TFDP2: variants seen among roughly 807,000 people sequenced by gnomAD.
The protein encoded by TFDP2 is transcription factor Dp-2.
A neutral mutation model predicts 59.3 loss-of-function variants in TFDP2; 17 were observed. The ratio of observed to expected loss-of-function variants is 0.29; its 90% CI spans 0.20 to 0.43. The LOEUF is 0.43. Ranked by LOEUF, TFDP2 falls within the 20% of genes least tolerant of loss-of-function variation. The pLI, the probability that TFDP2 is intolerant of heterozygous loss-of-function variation, is 1.00. For missense variants in TFDP2, 391 were observed against 528.8 expected (o/e 0.74, Z 2.56); for synonymous variants, 180 against 194.7 (o/e 0.92, Z 0.63).
At chr3:142,059,682 C>T (rs767591078) in intron 3 of TFDP2, among the ~76,000 whole-genome samples, 26 of 152,040 alleles carry the variant, frequency 1.7e-4, no homozygotes, top group African/African-American at 3.6e-4. Context: ...CAGGTTCCAG[C>T]GATTCTCCTG....
intron 2 of TFDP2, among the ~76,000 whole-genome samples, chr3:142,100,121 G>A (rs1210931549): frequency 6.6e-6 from 1 of 152,232 alleles, no homozygotes; most frequent in African/African-American, 2.4e-5. Context: ...ATAAGGATTT[G>A]TTTGTTAACG....
chr3:141,969,090 A>T lies in TFDP2; in HGVS notation c.732+983T>A, dbSNP rs545725533. ...CATATATATGAGATATATATATATA[A>T]CATATATATATATCTCATATATATG... On this transcript the variant is annotated intron_variant, in intron 9 of 12. Transcript: ENST00000489671. Among the ~76,000 whole-genome samples, 22 of 58,376 alleles carry T rather than the reference A, an allele frequency of 3.8e-4. 2 individuals are homozygous for T. The highest frequency in any genetic ancestry group is 1.7e-3 in the African/African-American group (16 of 9,446). The allele number at this position is 58,376 out of a possible 152,430, so 38.3% of individuals were successfully genotyped here. A position where few individuals can be genotyped will look rare whatever the true frequency, so the allele number is the denominator to read the frequency against.
At chr3:142,029,641 C>T (rs569194173) in intron 3 of TFDP2, among the ~76,000 whole-genome samples, 2 of 152,140 alleles carry the variant, frequency 1.3e-5, no homozygotes, top group South Asian at 4.2e-4. Flanking sequence ...TGATGTATGG[C>T]ACAAGTAGAA....
chr3:142,000,292 G>A (rs775868748), intron 4 of TFDP2: 24 of 702,734 alleles, frequency 3.4e-5, no homozygotes, highest in Non-Finnish European at 5.7e-5. Flanking sequence ...GAAAGTGCCG[G>A]CAGATTCAGT....
At chr3:142,080,152 T>G (rs1246073442) in intron 3 of TFDP2, among the ~76,000 whole-genome samples, 1 of 152,028 alleles carries the variant, frequency 6.6e-6, no homozygotes, top group Non-Finnish European at 1.5e-5. Flanking sequence ...TTAGTAGAGA[T>G]GGGGTTTTTG....
At chr3:142,145,365 T>C (rs1448341400) in intron 1 of TFDP2, 1 of 152,162 alleles carries the variant, frequency 6.6e-6, no homozygotes, top group African/African-American at 2.4e-5. Flanking sequence ...CTGCCAACTA[T>C]TGATCACTGA....
At chr3:142,057,688 T>C (rs942754146) in intron 3 of TFDP2, among the ~76,000 whole-genome samples, 18 of 152,198 alleles carry the variant, frequency 1.2e-4, no homozygotes, top group African/African-American at 4.3e-4. Context: ...TCAAACTATA[T>C]TAGGAGAAAA....
chr3:142,073,356 A>G (rs983449308), intron 3 of TFDP2, among the ~76,000 whole-genome samples: 2 of 151,272 alleles, frequency 1.3e-5, no homozygotes, highest in South Asian at 4.2e-4. Flanking sequence ...ACTATCTTCA[A>G]AATTTTTCTG....
intron 2 of TFDP2, 127 bp downstream of exon 2, chr3:142,101,608 A>C (rs1412507453): frequency 3.4e-6 from 2 of 588,012 alleles, no homozygotes; most frequent in Non-Finnish European, 5.4e-6. Context: ...CATAAACATA[A>C]ACAAATACAA....
chr3:142,068,817 C>T (rs1368295860), intron 3 of TFDP2, among the ~76,000 whole-genome samples: 1 of 152,166 alleles, frequency 6.6e-6, no homozygotes, highest in East Asian at 1.9e-4. Context: ...CCTCAGCCTA[C>T]AAAAGTGCTA....
intron 5 of TFDP2, 92 bp downstream of exon 5, chr3:141,994,928 A>C: frequency 8.5e-7 from 1 of 1,170,676 alleles, no homozygotes; most frequent in Non-Finnish European, 1.2e-6. Context: ...TTTAAGAACT[A>C]AACTAAAACA....
intron 11 of TFDP2, among the ~76,000 whole-genome samples, chr3:141,954,886 G>A (rs1936397132): frequency 6.6e-6 from 1 of 152,096 alleles, no homozygotes; most frequent in Admixed American, 6.5e-5. Context: ...ATCCAAACAA[G>A]AGGCCATTCC....
chr3:142,047,235 A>C (rs1009102723), intron 3 of TFDP2, among the ~76,000 whole-genome samples: 1 of 152,204 alleles, frequency 6.6e-6, no homozygotes, highest in Non-Finnish European at 1.5e-5. Context: ...TTTAAATATC[A>C]GGCCCAGATA....
intron 1 of TFDP2, among the ~76,000 whole-genome samples, chr3:142,110,888 G>A (rs1305694583): frequency 6.6e-6 from 1 of 151,878 alleles, no homozygotes; most frequent in African/African-American, 2.4e-5. Flanking sequence ...AGGAGGTAGA[G>A]GCTGCAGTGA....
intron 4 of TFDP2, among the ~76,000 whole-genome samples, chr3:141,995,694 G>A (rs974975046): frequency 6.6e-6 from 1 of 151,980 alleles, no homozygotes; most frequent in Non-Finnish European, 1.5e-5. Context: ...GACCAGCCTG[G>A]CCAACATGGT....
At position 142,079,367 on chromosome 3, in the gene TFDP2, A is replaced by G. The variant is rs1003921162; in HGVS notation, c.82+13694T>C. 5.3e-5 allele frequency among the ~76,000 whole-genome samples: 8 copies of G among 152,150 alleles called. 1 individual carries two copies. Among genetic ancestry groups the G allele is most frequent in the Non-Finnish European group, 1.0e-4 (7 of 68,022 alleles). On this transcript the variant is annotated intron_variant, in intron 3 of 12. Coordinates refer to ENST00000489671, the MANE Select transcript of TFDP2 (RefSeq NM_001178139.2). Reference sequence around the variant, plus strand: ...AAGAAAAAAGAATAAAAAAGAATGAAGCACACCTACAAGATCTAGAAAATA... The same window carrying G: ...AAGAAAAAAGAATAAAAAAGAATGAGGCACACCTACAAGATCTAGAAAATA...
intron 1 of TFDP2, among the ~76,000 whole-genome samples, chr3:142,116,300 A>G (rs2061852315): frequency 6.6e-6 from 1 of 152,162 alleles, no homozygotes. Context: ...CCTGTCCTCA[A>G]GTGATCCTCC....
chr3:142,085,638 T>C (rs370032341), intron 3 of TFDP2, among the ~76,000 whole-genome samples: 4 of 152,282 alleles, frequency 2.6e-5, no homozygotes, highest in East Asian at 3.9e-4. Flanking sequence ...CCCTGCCAAC[T>C]GTACATCTGA....
chr3:141,959,862 AG>A lies in TFDP2; in HGVS notation c.885-23del, dbSNP rs774733694. The A allele has an allele frequency of 9.9e-6, 16 of 1,613,282 alleles. No homozygotes were observed. In the South Asian group the frequency reaches 1.5e-4, roughly 16 times the overall value. On this transcript the variant is annotated intron_variant, in intron 10 of 12. Coordinates refer to ENST00000489671, the MANE Select transcript of TFDP2 (RefSeq NM_001178139.2). ...AAACCTGCATCAGGAAACAAAGTAA[AG>A]GGTTTTTGGTGGTGCTGGAGAGGTC...
Sources: gnomAD v4.1 joint callset for allele counts (sites outside exome capture counted in the v4.1 genomes callset) on GRCh38, gnomAD v4.1.1 for gene constraint, MANE v1.5 for transcripts, NCBI Gene and HGNC (gene_info 2026-07-23, HGNC 2026-07-21) for gene names.